Variants in GALNT6 observed in about 807,000 individuals in gnomAD.
GALNT6 encodes the protein polypeptide N-acetylgalactosaminyltransferase 6, also known as GalNAc transferase 6.
A neutral mutation model predicts 65.9 loss-of-function variants in GALNT6; 51 were observed. That is an observed-to-expected ratio of 0.77 (90% confidence interval 0.62 to 0.98). GALNT6 has a LOEUF of 0.98. GALNT6 is among the 50% of genes least tolerant of loss of function. The probability of loss-of-function intolerance (pLI) is 0.00; values close to 1 mark genes in which losing one functional copy is unlikely to be tolerated. For synonymous variants in GALNT6, 323 were observed against 315.1 expected (o/e 1.02, Z -0.26); for missense variants, 708 against 803.3 (o/e 0.88, Z 1.43).
At chr12:51,385,759 G>A (rs890501959) in intron 2 of GALNT6, among the ~76,000 whole-genome samples, 1 of 122,656 alleles carries the variant, frequency 8.2e-6, no homozygotes, top group Non-Finnish European at 2.0e-5. Context: ...CTGGACCAGA[G>A]AGGCCATGCC....
intron 4 of GALNT6, among the ~76,000 whole-genome samples, chr12:51,366,759 C>T (rs1476880493): frequency 6.6e-6 from 1 of 152,206 alleles, no homozygotes; most frequent in African/African-American, 2.4e-5. Flanking sequence ...TCTACTGAGA[C>T]CTCCAGCTCC....
At chr12:51,389,404 T>C (rs1947945971) in intron 2 of GALNT6, among the ~76,000 whole-genome samples, 1 of 152,262 alleles carries the variant, frequency 6.6e-6, no homozygotes, top group African/African-American at 2.4e-5. Context: ...TCAAGTAACT[T>C]GACCAAGGTC....
intron 4 of GALNT6, among the ~76,000 whole-genome samples, chr12:51,368,410 C>A (rs199719478): frequency 5.5e-5 from 4 of 72,116 alleles, no homozygotes; most frequent in African/African-American, 2.1e-4. Flanking sequence ...TTTTTTTTTT[C>A]TTCTTTTTTT....
intron 2 of GALNT6, 24 bp from the exon 3 acceptor site, chr12:51,379,908 G>T: frequency 9.9e-7 from 1 of 1,007,194 alleles, no homozygotes; most frequent in Non-Finnish European, 1.4e-6. Context: ...GGACAAGAGA[G>T]AGAAGTGAGC....
chr12:51,364,295 A>T lies in GALNT6; in HGVS notation c.875T>A (p.Val292Glu), dbSNP rs1198225354. ...GGTGACGATGTCTGGGCTCACCACC[A>T]CTGTCTTGTCCTCAGCGATTCGAGC... ...LLARIAEDKT[V>E]VVSPDIVTID... The change falls in exon 6 of 12, where the codon GTG (valine) becomes GAG (glutamate). Residue 292 changes from valine (V) to glutamate (E), a missense_variant. Physicochemically the swap from Val to Glu is moderately radical, Grantham distance 121. Transcript: ENST00000356317. 3.1e-6 allele frequency: 5 copies of T among 1,614,034 alleles called. No homozygotes were observed. Among genetic ancestry groups the T allele is most frequent in the Non-Finnish European group, 4.2e-6 (5 of 1,180,016 alleles).
chr12:51,377,417 AG>A, intron 3 of GALNT6, 50 bp from the exon 4 acceptor site: 1 of 1,530,694 alleles, frequency 6.5e-7, no homozygotes, highest in South Asian at 1.1e-5. Flanking sequence ...TGGGAGTACC[AG>A]GTGTGGGGAG....
At chr12:51,375,929 TG>T (rs1488873045) in intron 4 of GALNT6, among the ~76,000 whole-genome samples, 3 of 151,434 alleles carry the variant, frequency 2.0e-5, no homozygotes, top group African/African-American at 7.3e-5. Context: ...GGTGCCATCT[TG>T]GCTCACTGCA....
At chr12:51,383,002 G>A (rs908447734) in intron 2 of GALNT6, among the ~76,000 whole-genome samples, 5 of 152,150 alleles carry the variant, frequency 3.3e-5, no homozygotes, top group African/African-American at 1.2e-4. Flanking sequence ...TCAGGAGCAG[G>A]AAAAGGACCT....
At chr12:51,362,846 T>C (rs1167771154) in intron 6 of GALNT6, among the ~76,000 whole-genome samples, 1 of 138,130 alleles carries the variant, frequency 7.2e-6, no homozygotes, top group Non-Finnish European at 1.6e-5. Flanking sequence ...ACTGGGACTC[T>C]GAGCAGGTTT....
chr12:51,360,680 T>C lies in GALNT6; in HGVS notation c.1167+41A>G, dbSNP rs201533865. 1.6e-4 allele frequency: 187 copies of C among 1,144,368 alleles called. No individual in the cohort carries two copies. The African/African-American group carries it at 2.6e-3, about 16-fold the overall frequency. 70.9% of individuals were successfully genotyped at this position (1,144,368 alleles called of 1,614,324 possible). ...GAGAGATGTTTCTCAAGCTGTCGCC[T>C]GGGATGTTGTGGTTCCCCCCAAAGC... On this transcript the variant is annotated intron_variant, in intron 7 of 11. Transcript: ENST00000356317.
chr12:51,353,345 ATCTG>A lies in GALNT6; in HGVS notation c.*1030_*1033del, dbSNP rs975594949. The A allele has an allele frequency of 2.0e-5, 3 of 150,586 alleles. No individual in the cohort carries two copies. The highest frequency in any genetic ancestry group is 2.9e-5 in the Non-Finnish European group (2 of 68,006). The allele number at this position is 150,586 out of a possible 1,614,324, so 9.3% of individuals were successfully genotyped here. A position where few individuals can be genotyped will look rare whatever the true frequency, so the allele number is the denominator to read the frequency against. ...CAAGGGAGGATCTCTTAGACCTCTG[ATCTG>A]TCTGTTAGAATATACTTTTTTTTTT... is the stretch of plus-strand genomic sequence containing the variant. On this transcript the variant is annotated 3_prime_UTR_variant, in exon 12 of 12. Transcript: ENST00000356317.
intron 4 of GALNT6, 65 bp downstream of exon 4, chr12:51,377,130 T>G (rs1035165547): frequency 3.6e-6 from 5 of 1,402,382 alleles, no homozygotes; most frequent in Middle Eastern, 2.4e-4. Context: ...TGAAAGGAAC[T>G]GCCCTCCTCC....
At chr12:51,361,539 A>G (rs1006778235) in intron 6 of GALNT6, among the ~76,000 whole-genome samples, 3 of 152,236 alleles carry the variant, frequency 2.0e-5, no homozygotes, top group Non-Finnish European at 2.9e-5. Context: ...AATTTGGGCT[A>G]CAGGGAACAT....
Position 51,375,471 on chromosome 12 carries a change from T to G in GALNT6, c.664+1724A>C, listed in dbSNP as rs1947421439. 2.0e-5 allele frequency among the ~76,000 whole-genome samples: 3 copies of G among 152,202 alleles called. No homozygotes were observed. The South Asian group carries it at 6.2e-4, about 32-fold the overall frequency. Reference sequence around the variant, plus strand: ...AATGGAATGCATGCTTGTGACACTCTTACTTGATGCCAGCCACTCTGTGGC... The same window carrying G: ...AATGGAATGCATGCTTGTGACACTCGTACTTGATGCCAGCCACTCTGTGGC... On this transcript the variant is annotated intron_variant, in intron 4 of 11. Transcript: ENST00000356317.
chr12:51,360,287 C>T (rs1436818684), intron 7 of GALNT6: 2 of 153,346 alleles, frequency 1.3e-5, no homozygotes, highest in African/African-American at 4.8e-5. Context: ...GTTACCAGGG[C>T]ATGTGTCCTT....
At chr12:51,383,419 T>A (rs908459290) in intron 2 of GALNT6, 11 of 152,186 alleles carry the variant, frequency 7.2e-5, no homozygotes, top group Admixed American at 6.5e-4. Context: ...AAAGGCATGG[T>A]AAGATTGTAG....
chr12:51,384,807 C>A (rs184695024), intron 2 of GALNT6, among the ~76,000 whole-genome samples: 29 of 151,920 alleles, frequency 1.9e-4, no homozygotes, highest in African/African-American at 7.0e-4. Flanking sequence ...ATTGCTTGAG[C>A]CCAGGAGGTT....
At chr12:51,359,663 C>A (rs1432543777) in intron 7 of GALNT6, 1 of 204,434 alleles carries the variant, frequency 4.9e-6, no homozygotes, top group Non-Finnish European at 9.7e-6. Flanking sequence ...GATCACTTGG[C>A]TTTTTGACCT....
upstream of GALNT6, chr12:51,391,439 CG>C: frequency 6.4e-6 from 1 of 155,054 alleles, no homozygotes; most frequent in Non-Finnish European, 1.4e-5. Flanking sequence ...ATTTTACTGT[CG>C]GGGGTAGTGA....
Sources: gnomAD v4.1 joint callset for allele counts (sites outside exome capture counted in the v4.1 genomes callset) on GRCh38, gnomAD v4.1.1 for gene constraint, MANE v1.5 for transcripts, NCBI Gene and HGNC (gene_info 2026-07-23, HGNC 2026-07-21) for gene names.